The following FLNB variants were observed in gnomAD, a reference collection of about 807,000 sequenced individuals.
The protein encoded by FLNB is filamin-B.
In FLNB, 111 loss-of-function variants were observed where a neutral mutation model predicts 250.6. The ratio of observed to expected loss-of-function variants is 0.44; its 90% CI spans 0.38 to 0.52. The LOEUF (loss-of-function observed/expected upper bound fraction) is 0.52, where lower values mean the gene tolerates loss of function less well. Ranked by LOEUF, FLNB falls within the 20% of genes least tolerant of loss-of-function variation. The pLI, the probability that FLNB is intolerant of heterozygous loss-of-function variation, is 0.00. For missense variants in FLNB, 2,869 were observed against 3,447.8 expected, an observed-to-expected ratio of 0.83 and a Z score of 4.20; for synonymous variants, 1,302 against 1,372.1, an observed-to-expected ratio of 0.95 and a Z score of 1.13.
intron 34 of FLNB, 105 bp from the exon 35 acceptor site, chr3:58,148,101 A>T (rs2097338596): frequency 1.7e-6 from 2 of 1,147,506 alleles, no homozygotes; most frequent in Non-Finnish European, 2.6e-6. Context: ...AACTTTGTGT[A>T]ATTAGTTCTT....
intron 4 of FLNB, among the ~76,000 whole-genome samples, chr3:58,082,824 T>C (rs1392262988): frequency 6.6e-6 from 1 of 152,146 alleles, no homozygotes; most frequent in Non-Finnish European, 1.5e-5. Context: ...ATAATAGTTA[T>C]ACACACAGTA....
chr3:58,155,003 C>G (rs1017727013), intron 40 of FLNB, 75 bp downstream of exon 40: 1 of 1,496,388 alleles, frequency 6.7e-7, no homozygotes, highest in African/African-American at 1.4e-5. Context: ...AGAAATCCAT[C>G]AAGTTTGCTG....
chr3:58,170,469 C>T (rs374438213), intron 45 of FLNB, 106 bp from the exon 46 acceptor site: 3 of 1,120,650 alleles, frequency 2.7e-6, no homozygotes. Flanking sequence ...CTCTTAGGGG[C>T]CCCAGCATTA....
intron 4 of FLNB, among the ~76,000 whole-genome samples, chr3:58,093,105 C>T (rs1487361811): frequency 2.0e-5 from 3 of 152,204 alleles, no homozygotes; most frequent in African/African-American, 7.2e-5. Flanking sequence ...ACCCCTTCCT[C>T]ATGTTATGTT....
intron 1 of FLNB, among the ~76,000 whole-genome samples, chr3:58,053,591 G>A (rs541114826): frequency 8.5e-5 from 13 of 152,202 alleles, no homozygotes; most frequent in African/African-American, 3.1e-4. Context: ...CTCCCCAGTA[G>A]CTGGGACTAC....
At chr3:58,118,815 A>AT in intron 18 of FLNB, 57 bp from the exon 19 acceptor site, 3 of 1,297,202 alleles carry the variant, frequency 2.3e-6, no homozygotes, top group Non-Finnish European at 3.4e-6. Flanking sequence ...GGGATTTTAA[A>AT]TGCCAAGTTA....
At chr3:58,109,495 AT>A in intron 14 of FLNB, 80 bp from the exon 15 acceptor site, 1 of 1,611,074 alleles carries the variant, frequency 6.2e-7, no homozygotes, top group African/African-American at 1.3e-5. Flanking sequence ...CAGAAGAACT[AT>A]TTCTAACAAT....
At chr3:58,037,205 C>G (rs547616361) in intron 1 of FLNB, among the ~76,000 whole-genome samples, 7 of 151,900 alleles carry the variant, frequency 4.6e-5, no homozygotes, top group Non-Finnish European at 7.4e-5. Flanking sequence ...GCTGGGATTA[C>G]AGGAGTGCAC....
At chr3:58,087,593 C>CA (rs1260139934) in intron 4 of FLNB, among the ~76,000 whole-genome samples, 42 of 151,668 alleles carry the variant, frequency 2.8e-4, no homozygotes, top group Admixed American at 2.8e-3. Context: ...GCTGGGATTA[C>CA]AGGCGCCCAC....
chr3:58,056,454 C>CA (rs1478215965), intron 1 of FLNB, among the ~76,000 whole-genome samples: 3 of 151,960 alleles, frequency 2.0e-5, no homozygotes, highest in African/African-American at 4.8e-5. Flanking sequence ...ATATCAAATA[C>CA]AATGAAACAC....
chr3:58,073,832 C>A (rs1404642580), intron 1 of FLNB, among the ~76,000 whole-genome samples: 1 of 152,138 alleles, frequency 6.6e-6, no homozygotes, highest in Non-Finnish European at 1.5e-5. Context: ...CTGACAGGTC[C>A]CAGCTTTTTA....
At chr3:58,157,215 C>G (rs2107300747) in intron 41 of FLNB, among the ~76,000 whole-genome samples, 1 of 152,328 alleles carries the variant, frequency 6.6e-6, no homozygotes, top group East Asian at 1.9e-4. Flanking sequence ...AATTAGGTGT[C>G]TGAACTGGGA....
At chr3:58,076,575 C>A (rs2097201936) in intron 1 of FLNB, among the ~76,000 whole-genome samples, 1 of 152,098 alleles carries the variant, frequency 6.6e-6, no homozygotes, top group Admixed American at 6.5e-5. Context: ...CAACCTCAGT[C>A]TCCTGAGTAG....
At position 58,155,979 on chromosome 3, in the gene FLNB, CA is replaced by C. The variant is rs1380314190; in HGVS notation, c.6794del (p.Lys2265SerfsTer29). The C allele has an allele frequency of 6.2e-7, 1 of 1,613,460 alleles. No individual in the cohort carries two copies. Among genetic ancestry groups the C allele is most frequent in the Admixed American group, 1.7e-5 (1 of 60,006 alleles). On this transcript the variant is annotated frameshift_variant, in exon 41 of 46. Transcript: ENST00000295956. LOFTEE classifies it high-confidence loss of function. ...TCATAGGTAACTACGAGGTGTCCATCAAGTTCAATGATGAGCACATCCCGGA... is the reference window on the plus strand; with the variant it reads ...TCATAGGTAACTACGAGGTGTCCATCAGTTCAATGATGAGCACATCCCGGA... Reference protein sequence around the residue: ...QEPGNYEVSIKFNDEHIPESP... With the variant: ...QEPGNYEVSIXFNDEHIPESP...
intron 1 of FLNB, among the ~76,000 whole-genome samples, chr3:58,012,209 CAAAAAA>C (rs10608167): frequency 9.4e-5 from 10 of 106,016 alleles, no homozygotes; most frequent in Admixed American, 3.0e-4. Flanking sequence ...GACTCTGACT[CAAAAAA>C]AAAAAAAAAA....
Position 58,140,482 on chromosome 3 carries a change from A to G in FLNB, c.5110-1376A>G, listed in dbSNP as rs117621009. On this transcript the variant is annotated intron_variant, in intron 29 of 45. Transcript: ENST00000295956. ...GCAGATCCCAAGATACACACAAAGC[A>G]GTTAACATGGGTAAATAGGCCTTCC... Among the ~76,000 whole-genome samples, 17 of 152,338 alleles carry G rather than the reference A, an allele frequency of 1.1e-4. No homozygotes were observed. The East Asian group carries it at 3.1e-3, about 28-fold the overall frequency.
chr3:58,077,101 G>A lies in FLNB; in HGVS notation c.348G>A (p.Thr116=), dbSNP rs1442864989. The change falls in exon 2 of 46, where the codon ACG becomes ACA. Residue 116 remains threonine (T), a synonymous_variant. Transcript: ENST00000295956. ...NLKLILGLVW[T]LILHYSISMP... ...AGCTCATCTTGGGTCTGGTGTGGAC[G>A]CTGATCCTCCACTACTCCATCTCCA... is the stretch of plus-strand genomic sequence containing the variant. The A allele has an allele frequency of 1.9e-6, 3 of 1,614,118 alleles. No homozygotes were observed. Among genetic ancestry groups the A allele is most frequent in the South Asian group, 1.1e-5 (1 of 91,076 alleles).
intron 20 of FLNB, among the ~76,000 whole-genome samples, chr3:58,121,801 C>T (rs927253436): frequency 2.6e-5 from 4 of 152,060 alleles, no homozygotes; most frequent in East Asian, 3.9e-4. Flanking sequence ...AGTTAGCAAA[C>T]GTGGAGGCCT....
At chr3:58,040,614 C>T (rs1339942872) in intron 1 of FLNB, among the ~76,000 whole-genome samples, 1 of 152,218 alleles carries the variant, frequency 6.6e-6, no homozygotes, top group Non-Finnish European at 1.5e-5. Flanking sequence ...CCTGCCTAAG[C>T]CTCCTGAGTA....
Sources: gnomAD v4.1 joint callset for allele counts (sites outside exome capture counted in the v4.1 genomes callset) on GRCh38, gnomAD v4.1.1 for gene constraint, MANE v1.5 for transcripts, NCBI Gene and HGNC (gene_info 2026-07-23, HGNC 2026-07-21) for gene names.